The following AUTS2 variants were observed in gnomAD, a reference collection of about 807,000 sequenced individuals.
The protein encoded by AUTS2 is activator of transcription and developmental regulator AUTS2, also known as autism susceptibility gene 2 protein.
A neutral mutation model predicts 112.4 loss-of-function variants in AUTS2; 17 were observed. That is an observed-to-expected ratio of 0.15 (90% confidence interval 0.10 to 0.23). The LOEUF (loss-of-function observed/expected upper bound fraction) is 0.23. Among genes scored for constraint, AUTS2 ranks in the 10% least tolerant of loss-of-function variants. AUTS2 has a pLI of 1.00. For synonymous variants in AUTS2, 751 were observed against 702.7 expected (o/e 1.07, Z -1.09); for missense variants, 1,510 against 1,701.6 (o/e 0.89, Z 1.98).
intron 4 of AUTS2, among the ~76,000 whole-genome samples, chr7:70,226,602 A>T (rs1007448885): frequency 6.6e-6 from 1 of 152,104 alleles, no homozygotes; most frequent in African/African-American, 2.4e-5. Flanking sequence ...ATGAAAGAAT[A>T]CAGACTTGGG....
intron 2 of AUTS2, among the ~76,000 whole-genome samples, chr7:70,012,990 T>C (rs1477561102): frequency 6.6e-6 from 1 of 152,120 alleles, no homozygotes; most frequent in African/African-American, 2.4e-5. Context: ...GAAAAGAATA[T>C]TTTATAGAGA....
chr7:70,446,001 T>C (rs1238989117), intron 5 of AUTS2, among the ~76,000 whole-genome samples: 1 of 152,172 alleles, frequency 6.6e-6, no homozygotes, highest in African/African-American at 2.4e-5. Flanking sequence ...ATATGGTCCC[T>C]GCAGACCATT....
intron 1 of AUTS2, among the ~76,000 whole-genome samples, chr7:69,888,749 A>G (rs1192339624): frequency 6.6e-6 from 1 of 150,920 alleles, no homozygotes. Context: ...AATTTTTTGT[A>G]TTTTAGTAGA....
At chr7:70,442,307 C>T (rs1301286166) in intron 5 of AUTS2, among the ~76,000 whole-genome samples, 1 of 152,146 alleles carries the variant, frequency 6.6e-6, no homozygotes, top group East Asian at 1.9e-4. Flanking sequence ...CATACTCAAA[C>T]CTGATTGCAC....
At chr7:70,226,156 C>T (rs185334257) in intron 4 of AUTS2, among the ~76,000 whole-genome samples, 36 of 152,116 alleles carry the variant, frequency 2.4e-4, no homozygotes, top group Middle Eastern at 3.4e-3. Flanking sequence ...TATTGTTCAA[C>T]GGGGAACTGA....
At chr7:70,105,555 C>T (rs1804724071) in intron 2 of AUTS2, among the ~76,000 whole-genome samples, 1 of 152,086 alleles carries the variant, frequency 6.6e-6, no homozygotes, top group African/African-American at 2.4e-5. Context: ...CATACCCGGA[C>T]CCACATTTGT....
rs371829907 is a variant in AUTS2 at position 70,428,684 on chromosome 7, T to A, written c.661-7068T>A. Reference sequence around the variant, plus strand: ...TCAGCCCTGACATCTTTGGTGGCAATGATAAATGGATTTGAGATACGAAAT... The same window carrying A: ...TCAGCCCTGACATCTTTGGTGGCAAAGATAAATGGATTTGAGATACGAAAT... On this transcript the variant is annotated intron_variant, in intron 4 of 18. Coordinates refer to ENST00000342771, the MANE Select transcript of AUTS2 (RefSeq NM_015570.4). Among the ~76,000 whole-genome samples, 4 of 152,320 alleles carry A rather than the reference T, an allele frequency of 2.6e-5. No homozygotes were observed. In the East Asian group the frequency reaches 5.8e-4, roughly 22 times the overall value.
intron 5 of AUTS2, among the ~76,000 whole-genome samples, chr7:70,549,933 A>G (rs991586676): frequency 2.6e-5 from 4 of 152,196 alleles, no homozygotes; most frequent in Non-Finnish European, 5.9e-5. Context: ...TTTAAAAAGC[A>G]TTGGCACTTG....
chr7:70,770,887 C>T (rs1440857972), intron 10 of AUTS2, among the ~76,000 whole-genome samples: 4 of 152,176 alleles, frequency 2.6e-5, no homozygotes, highest in Non-Finnish European at 5.9e-5. Context: ...AACTAGAATC[C>T]ATCTTCTAGA....
At chr7:69,771,111 T>A (rs1366285223) in intron 1 of AUTS2, among the ~76,000 whole-genome samples, 1 of 152,176 alleles carries the variant, frequency 6.6e-6, no homozygotes, top group Admixed American at 6.5e-5. Flanking sequence ...GCCCTGTTAT[T>A]CCCCTGGCCA....
chr7:70,103,629 G>A (rs553103236), intron 2 of AUTS2, among the ~76,000 whole-genome samples: 5 of 152,240 alleles, frequency 3.3e-5, no homozygotes, highest in Non-Finnish European at 7.4e-5. Context: ...ACAGTAGGCT[G>A]GGTGCAGTGG....
chr7:69,730,219 T>C (rs1786730158), intron 1 of AUTS2, among the ~76,000 whole-genome samples: 1 of 152,012 alleles, frequency 6.6e-6, no homozygotes, highest in Admixed American at 6.6e-5. Flanking sequence ...CCATTGTGCC[T>C]GGCAATATGT....
chr7:69,890,693 G>GA (rs56364103), intron 1 of AUTS2, among the ~76,000 whole-genome samples: 21,209 of 133,912 alleles, frequency 0.16, 1,513 homozygotes, highest in Middle Eastern at 0.27. Flanking sequence ...TGTTAAAAAT[G>GA]AAAAAAAAAA....
At chr7:70,475,658 T>A (rs949185216) in intron 5 of AUTS2, among the ~76,000 whole-genome samples, 2 of 152,168 alleles carry the variant, frequency 1.3e-5, no homozygotes, top group Non-Finnish European at 2.9e-5. Flanking sequence ...GCTGAGTGCT[T>A]CAAGGGACAC....
At chr7:70,705,012 A>G (rs534171343) in intron 6 of AUTS2, among the ~76,000 whole-genome samples, 8 of 152,366 alleles carry the variant, frequency 5.3e-5, no homozygotes, top group African/African-American at 1.4e-4. Context: ...ACAAACATCA[A>G]TTAGCTAAGC....
intron 6 of AUTS2, among the ~76,000 whole-genome samples, chr7:70,729,869 TGTATGTA>T (rs1787266657): frequency 6.6e-6 from 1 of 151,502 alleles, no homozygotes; most frequent in African/African-American, 2.4e-5. Flanking sequence ...TATGTATGTA[TGTATGTA>T]TGTATGTATG....
At position 70,766,374 on chromosome 7, in the gene AUTS2, C is replaced by T. The variant is rs753928270; in HGVS notation, c.1689+40C>T. The T allele has an allele frequency of 8.7e-6, 14 of 1,605,336 alleles. No homozygotes were observed. The highest frequency in any genetic ancestry group is 4.4e-5 in the South Asian group (4 of 90,676). ...CAGAAATGTGAGGATAAGTAGAGCA[C>T]GACTCTTTTCTTTATGCAGCACGTG... On this transcript the variant is annotated intron_variant, in intron 9 of 18. Coordinates refer to ENST00000342771, the MANE Select transcript of AUTS2 (RefSeq NM_015570.4). This position sits in a 1 kb window ranked among gnomAD's most constrained non-coding sequence, Gnocchi z 4.8.
chr7:70,588,604 G>A (rs1243602919), intron 5 of AUTS2, among the ~76,000 whole-genome samples: 2 of 152,194 alleles, frequency 1.3e-5, no homozygotes, highest in Non-Finnish European at 2.9e-5. Flanking sequence ...GAAGAGGCAG[G>A]GACCCCAGGG....
intron 4 of AUTS2, among the ~76,000 whole-genome samples, chr7:70,289,997 A>G: frequency 6.6e-6 from 1 of 152,218 alleles, no homozygotes; most frequent in East Asian, 1.9e-4. Context: ...CTGATGGGGA[A>G]AAATCAAATT....
Sources: gnomAD v4.1 joint callset for allele counts (sites outside exome capture counted in the v4.1 genomes callset) on GRCh38, gnomAD v4.1.1 for gene constraint, Gnocchi (gnomAD v3.1) non-coding constraint, MANE v1.5 for transcripts, NCBI Gene and HGNC (gene_info 2026-07-23, HGNC 2026-07-21) for gene names.